GK: variants seen among roughly 807,000 people sequenced by gnomAD.
GK encodes the protein ATP:glycerol 3-phosphotransferase.
Under a neutral mutation model 56.4 loss-of-function variants are expected in GK, and 9 were observed. The ratio of observed to expected loss-of-function variants is 0.16; its 90% confidence interval spans 0.10 to 0.28. GK has a LOEUF of 0.28. Among genes scored for constraint, GK ranks in the 10% least tolerant of loss-of-function variants. GK has a pLI of 1.00. For missense variants in GK, 161 were observed against 431.4 expected (o/e 0.37, Z 5.55); for synonymous variants, 104 against 144.1 (o/e 0.72, Z 1.99).
intron 11 of GK, among the ~76,000 whole-genome samples, chrX:30,705,017 A>G (rs1390320500): frequency 8.9e-6 from 1 of 112,616 alleles, no homozygotes; most frequent in Non-Finnish European, 1.9e-5. Context: ...AGAGAAGGAC[A>G]TAGTTTGTGA....
chrX:30,654,252 T>A, intron 1 of GK, among the ~76,000 whole-genome samples: 1 of 112,513 alleles, frequency 8.9e-6, no homozygotes, highest in Non-Finnish European at 1.9e-5. Context: ...ACTTTGCCCA[T>A]TACAAACAAA....
chrX:30,706,515 G>A (rs980254180), intron 11 of GK, among the ~76,000 whole-genome samples: 7 of 111,878 alleles, frequency 6.3e-5, no homozygotes, highest in African/African-American at 2.3e-4. Flanking sequence ...CCAAGCAAGG[G>A]TGACTGTAGC....
intron 4 of GK, among the ~76,000 whole-genome samples, chrX:30,681,136 C>T (rs946291587): frequency 2.7e-5 from 3 of 111,753 alleles, no homozygotes; most frequent in Non-Finnish European, 5.6e-5. Flanking sequence ...TGAAAAGCAA[C>T]AGAAACAAGT....
Position 30,727,625 on chromosome X carries a change from T to G in GK, c.1669+73T>G, listed in dbSNP as rs962535180. On this transcript the variant is annotated intron_variant, in intron 20 of 20. Coordinates refer to ENST00000427190, the MANE Select transcript of GK (RefSeq NM_001205019.2). ...TTTCGTGTATAACTTAGCAGAAATT[T>G]TTCAGTGTTTTTCATTCTTTCTGTG... The G allele has an allele frequency of 1.4e-5, 9 of 633,757 alleles. No homozygotes were observed. The Admixed American group carries it at 2.1e-4, about 15-fold the overall frequency. The allele number at this position is 633,757 out of a possible 1,213,427, so 52.2% of individuals were successfully genotyped here. A position where few individuals can be genotyped will look rare whatever the true frequency, so the allele number is the denominator to read the frequency against.
intron 3 of GK, among the ~76,000 whole-genome samples, chrX:30,675,662 T>A (rs12847609): frequency 9.4e-6 from 1 of 106,145 alleles, no homozygotes; most frequent in Admixed American, 1.0e-4. Context: ...TGCACCACCA[T>A]ACCCCCCTAA....
intron 4 of GK, among the ~76,000 whole-genome samples, chrX:30,679,975 G>C (rs1302374879): frequency 2.7e-5 from 3 of 111,925 alleles, no homozygotes; most frequent in Non-Finnish European, 5.6e-5. Flanking sequence ...TATCAGTATG[G>C]ATTTTGAAAT....
At chrX:30,691,276 G>A in intron 5 of GK, 77 bp downstream of exon 5, 1 of 553,311 alleles carries the variant, frequency 1.8e-6, no homozygotes, top group East Asian at 3.4e-5. Flanking sequence ...CTAGAAAGAA[G>A]CATCTTATGG....
At chrX:30,695,150 T>G (rs1306030372) in intron 6 of GK, 1 of 825,475 alleles carries the variant, frequency 1.2e-6, no homozygotes. Context: ...TGTAATGATC[T>G]TTTTTAACAT....
intron 8 of GK, among the ~76,000 whole-genome samples, chrX:30,697,213 A>G (rs906259822): frequency 1.8e-5 from 2 of 112,452 alleles, no homozygotes; most frequent in African/African-American, 3.2e-5. Context: ...TCCAGTAAAG[A>G]CATAGCTTCA....
At position 30,677,461 on chromosome X, in the gene GK, T is replaced by C; in HGVS notation, c.337+9T>C. The C allele has an allele frequency of 1.0e-6, 1 of 977,264 alleles. No individual in the cohort carries two copies. The highest frequency in any genetic ancestry group is 1.5e-6 in the Non-Finnish European group (1 of 680,981). 80.5% of individuals were successfully genotyped at this position (977,264 alleles called of 1,213,427 possible). ...TCTCTACAATGCTGTGGGTAAGCTG[T>C]CATGCATGGATGTCAAATGTAGGGC... On this transcript the variant is annotated intron_variant, in intron 4 of 20. Transcript: ENST00000427190.
intron 5 of GK, among the ~76,000 whole-genome samples, chrX:30,691,468 CTTTTTTTT>C (rs144523573): frequency 1.4e-4 from 10 of 72,633 alleles, no homozygotes; most frequent in African/African-American, 5.6e-4. Flanking sequence ...CCAAGGGGTG[CTTTTTTTT>C]TTTTTTTTTT....
chrX:30,712,474 A>G (rs1488428053), intron 13 of GK, among the ~76,000 whole-genome samples: 1 of 109,403 alleles, frequency 9.1e-6, no homozygotes, highest in Non-Finnish European at 1.9e-5. Flanking sequence ...CATCTAGTAC[A>G]TTTTTCATCT....
In GK at chrX:30,694,151, G is replaced by A. The variant is rs184444906; in HGVS notation, c.415-249G>A. On this transcript the variant is annotated intron_variant, in intron 5 of 20. Coordinates refer to ENST00000427190, the MANE Select transcript of GK (RefSeq NM_001205019.2). ...TGTCACTATCTAATTACAGGATGTT[G>A]TGTCATTTAATTTTCTCTTTACCTT... Among the ~76,000 whole-genome samples the A allele has an allele frequency of 4.2e-3, 474 of 111,772 alleles. 6 individuals carry two copies. Among genetic ancestry groups the A allele is most frequent in the African/African-American group, 0.014 (442 of 30,768 alleles).
intron 6 of GK, 56 bp downstream of exon 6, chrX:30,694,593 T>C: frequency 9.9e-7 from 1 of 1,006,929 alleles, no homozygotes; most frequent in Non-Finnish European, 1.4e-6. Context: ...TTTTCTAGAC[T>C]GCCTTGCCTA....
At chrX:30,688,973 A>G (rs942235722) in intron 4 of GK, among the ~76,000 whole-genome samples, 1 of 112,495 alleles carries the variant, frequency 8.9e-6, no homozygotes, top group Non-Finnish European at 1.9e-5. Context: ...TTACATAATG[A>G]TCCAGCAAAT....
rs1937288690 is a variant in GK at position 30,729,975 on chromosome X, TA to T, written c.*1235del. 1 of 112,338 alleles carries T rather than the reference TA, an allele frequency of 8.9e-6. No homozygotes were observed. Among genetic ancestry groups the T allele is most frequent in the South Asian group, 3.7e-4 (1 of 2,736 alleles). 9.3% of individuals were successfully genotyped at this position (112,338 alleles called of 1,213,427 possible). On this transcript the variant is annotated 3_prime_UTR_variant, in exon 21 of 21. Coordinates refer to ENST00000427190, the MANE Select transcript of GK (RefSeq NM_001205019.2). Reference sequence around the variant, plus strand: ...TTTCAGTTCAAATGTTATCAATTGTTAATAAGAAATTGCTATCTGGGATGAC... The same window carrying T: ...TTTCAGTTCAAATGTTATCAATTGTTATAAGAAATTGCTATCTGGGATGAC...
intron 5 of GK, among the ~76,000 whole-genome samples, chrX:30,691,720 C>T (rs1601911804): frequency 9.1e-6 from 1 of 110,320 alleles, no homozygotes; most frequent in Non-Finnish European, 1.9e-5. Flanking sequence ...GATCCGCCCA[C>T]TTCGGCCTCC....
chrX:30,656,217 G>A (rs1014035465), intron 1 of GK, among the ~76,000 whole-genome samples: 12 of 111,833 alleles, frequency 1.1e-4, no homozygotes, highest in Non-Finnish European at 1.9e-4. Context: ...GATGATTCCC[G>A]GGAGTTATTC....
intron 11 of GK, among the ~76,000 whole-genome samples, chrX:30,701,466 T>A (rs778317260): frequency 3.2e-4 from 36 of 112,287 alleles, no homozygotes; most frequent in Non-Finnish European, 4.9e-4. Context: ...TTTTATATCC[T>A]AAAAACTAAA....
Sources: gnomAD v4.1 joint callset for allele counts (sites outside exome capture counted in the v4.1 genomes callset) on GRCh38, gnomAD v4.1.1 for gene constraint, MANE v1.5 for transcripts, NCBI Gene and HGNC (gene_info 2026-07-23, HGNC 2026-07-21) for gene names.